The following GULP1 variants were observed in gnomAD, a reference collection of about 807,000 sequenced individuals.
GULP1 encodes GULP PTB domain containing engulfment adaptor 1.
Under a neutral mutation model 40.9 loss-of-function variants are expected in GULP1, and 19 were observed. That is an observed-to-expected ratio of 0.46 (90% CI 0.32 to 0.68). The LOEUF (loss-of-function observed/expected upper bound fraction) is 0.68, where lower values mean the gene tolerates loss of function less well. GULP1 is among the 30% of genes least tolerant of loss of function. The pLI, the probability that GULP1 is intolerant of heterozygous loss-of-function variation, is 0.03. For missense variants in GULP1, 312 were observed against 362.2 expected (o/e 0.86, Z 1.12); for synonymous variants, 119 against 117.6 (o/e 1.01, Z -0.08).
At chr2:188,369,426 G>C (rs534052995) in intron 1 of GULP1, among the ~76,000 whole-genome samples, 1 of 152,040 alleles carries the variant, frequency 6.6e-6, no homozygotes, top group Non-Finnish European at 1.5e-5. Flanking sequence ...GAAAGGCTAA[G>C]TTTAGAGATG....
intron 11 of GULP1, 30 bp from the exon 12 acceptor site, chr2:188,593,910 A>G: frequency 2.5e-6 from 3 of 1,200,002 alleles, no homozygotes; most frequent in Non-Finnish European, 3.7e-6. Context: ...TAAGCATTTC[A>G]GATATTAATT....
At chr2:188,386,628 G>A (rs936498111) in intron 2 of GULP1, among the ~76,000 whole-genome samples, 5 of 151,820 alleles carry the variant, frequency 3.3e-5, no homozygotes. Flanking sequence ...ACATCACTTG[G>A]TTTGCATTAG....
At chr2:188,388,321 G>T (rs1483753281) in intron 2 of GULP1, among the ~76,000 whole-genome samples, 1 of 147,562 alleles carries the variant, frequency 6.8e-6, no homozygotes, top group East Asian at 2.0e-4. Flanking sequence ...TTGAGGACAG[G>T]AGTTCAAGAC....
At chr2:188,383,911 T>A (rs1397560639) in intron 2 of GULP1, 22 bp downstream of exon 2, 1 of 152,196 alleles carries the variant, frequency 6.6e-6, no homozygotes, top group Non-Finnish European at 1.5e-5. Context: ...TGATTGTTTA[T>A]ACATTTTCCA....
rs112038747 is a variant in GULP1 at position 188,302,074 on chromosome 2, A to G, written c.-172+9908A>G. Among the ~76,000 whole-genome samples the G allele has an allele frequency of 2.7e-3, 411 of 152,306 alleles. 2 individuals carry two copies. Among genetic ancestry groups the G allele is most frequent in the African/African-American group, 9.3e-3 (387 of 41,578 alleles). Reference sequence around the variant, plus strand: ...AAATGATATCTTAATTTTGTAAATAAAAGTTTTAGAAGTAGTAATTTAGAT... The same window carrying G: ...AAATGATATCTTAATTTTGTAAATAGAAGTTTTAGAAGTAGTAATTTAGAT... On this transcript the variant is annotated intron_variant, in intron 1 of 11. Coordinates refer to ENST00000409830, the MANE Select transcript of GULP1 (RefSeq NM_016315.4).
At chr2:188,547,077 T>G (rs1178486728) in intron 7 of GULP1, among the ~76,000 whole-genome samples, 1 of 151,936 alleles carries the variant, frequency 6.6e-6, no homozygotes, top group Non-Finnish European at 1.5e-5. Flanking sequence ...AAGATAAATC[T>G]CCAGGTGTAG....
At chr2:188,582,227 A>C in intron 9 of GULP1, 1 of 371,902 alleles carries the variant, frequency 2.7e-6, no homozygotes, top group East Asian at 7.4e-5. Flanking sequence ...TTACTGTGAA[A>C]TGATCTTATC....
intron 10 of GULP1, among the ~76,000 whole-genome samples, chr2:188,587,636 C>A (rs1168185062): frequency 6.6e-6 from 1 of 152,062 alleles, no homozygotes; most frequent in Non-Finnish European, 1.5e-5. Context: ...GATAATAATT[C>A]TTTATAATAA....
intron 9 of GULP1, among the ~76,000 whole-genome samples, chr2:188,578,571 T>C (rs1178296537): frequency 1.3e-5 from 2 of 151,770 alleles, no homozygotes; most frequent in Admixed American, 1.3e-4. Context: ...TACAAAAATG[T>C]AGCAACAACA....
rs1015824208 is a variant in GULP1 at position 188,572,542 on chromosome 2, TAAC to T, written c.609+2425_609+2427del. On this transcript the variant is annotated intron_variant, in intron 9 of 11. Coordinates refer to ENST00000409830, the MANE Select transcript of GULP1 (RefSeq NM_016315.4). The stretch of plus-strand genomic sequence containing the variant: ...ATTGTATCCTTGATCATTATGGAAA[TAAC>T]AAATTATAACTTTGCAATCTACTTA... Among the ~76,000 whole-genome samples, 18 of 152,320 alleles carry T rather than the reference TAAC, an allele frequency of 1.2e-4. No individual in the cohort carries two copies. The East Asian group carries it at 1.5e-3, about 13-fold the overall frequency.
intron 2 of GULP1, among the ~76,000 whole-genome samples, chr2:188,466,077 G>C (rs2152985068): frequency 6.6e-6 from 1 of 152,098 alleles, no homozygotes; most frequent in East Asian, 1.9e-4. Context: ...CTTCTCCCCA[G>C]TCAGGCTATT....
intron 2 of GULP1, among the ~76,000 whole-genome samples, chr2:188,472,251 T>C (rs950169709): frequency 6.6e-6 from 1 of 152,140 alleles, no homozygotes; most frequent in African/African-American, 2.4e-5. Context: ...CTTGAGATTG[T>C]CTTCTTTGTG....
At chr2:188,498,895 A>G (rs111495955) in intron 4 of GULP1, among the ~76,000 whole-genome samples, 48 of 151,558 alleles carry the variant, frequency 3.2e-4, no homozygotes, top group African/African-American at 1.1e-3. Flanking sequence ...CTTACACAAG[A>G]TCAGGTGAAA....
intron 2 of GULP1, among the ~76,000 whole-genome samples, chr2:188,445,886 C>A (rs1456611045): frequency 1.3e-5 from 2 of 152,140 alleles, no homozygotes; most frequent in African/African-American, 4.8e-5. Flanking sequence ...CAAACATGAA[C>A]ATGTCAGGTA....
At chr2:188,448,947 C>G (rs939929566) in intron 2 of GULP1, among the ~76,000 whole-genome samples, 6 of 152,176 alleles carry the variant, frequency 3.9e-5, no homozygotes, top group Non-Finnish European at 7.3e-5. Flanking sequence ...TGAGGTCTCC[C>G]TGGAAGCTGA....
At chr2:188,488,557 G>A (rs1007284809) in intron 4 of GULP1, among the ~76,000 whole-genome samples, 1 of 151,984 alleles carries the variant, frequency 6.6e-6, no homozygotes, top group Non-Finnish European at 1.5e-5. Flanking sequence ...GAATAATGTA[G>A]CATTGAAAAA....
intron 2 of GULP1, among the ~76,000 whole-genome samples, chr2:188,447,760 A>G (rs1259370462): frequency 6.6e-6 from 1 of 152,192 alleles, no homozygotes; most frequent in Non-Finnish European, 1.5e-5. Flanking sequence ...TCAACTCTTC[A>G]GCACTCTCTG....
intron 4 of GULP1, among the ~76,000 whole-genome samples, chr2:188,513,332 A>G (rs1240456542): frequency 4.6e-5 from 7 of 152,114 alleles, no homozygotes; most frequent in Admixed American, 1.3e-4. Flanking sequence ...TGTGTTTTAT[A>G]TCATTCTTAT....
intron 1 of GULP1, among the ~76,000 whole-genome samples, chr2:188,339,055 G>A (rs2042647904): frequency 6.6e-6 from 1 of 152,162 alleles, no homozygotes; most frequent in South Asian, 2.1e-4. Context: ...TAAAAATGGT[G>A]ATTGACTCCT....
Sources: allele counts gnomAD v4.1 joint callset (sites outside exome capture counted in the v4.1 genomes callset), GRCh38; gene constraint gnomAD v4.1.1; transcripts MANE v1.5; gene names NCBI Gene and HGNC (gene_info 2026-07-23, HGNC 2026-07-21).